The following MAP7 variants were observed in gnomAD, a reference collection of about 807,000 sequenced individuals.
The protein encoded by MAP7 is microtubule associated protein 7.
MAP7 carries 52 observed loss-of-function variants against 94.8 expected under a neutral mutation model. The ratio of observed to expected loss-of-function variants is 0.55; its 90% CI spans 0.44 to 0.69. MAP7 has a LOEUF of 0.69. Among genes scored for constraint, MAP7 ranks in the 30% least tolerant of loss-of-function variants. MAP7 has a pLI of 0.00. For synonymous variants in MAP7, 350 were observed against 357.0 expected, an observed-to-expected ratio of 0.98 and a Z score of 0.22; for missense variants, 940 against 964.6, an observed-to-expected ratio of 0.97 and a Z score of 0.34.
intron 13 of MAP7, 152 bp downstream of exon 13, chr6:136,360,545 G>A (rs1792299946): frequency 1.4e-6 from 1 of 701,672 alleles, no homozygotes; most frequent in Non-Finnish European, 2.5e-6. Flanking sequence ...AAAACACCGA[G>A]AGAGATTTCT....
chr6:136,372,106 A>G (rs2128604863), intron 8 of MAP7, among the ~76,000 whole-genome samples: 1 of 152,292 alleles, frequency 6.6e-6, no homozygotes, highest in African/African-American at 2.4e-5. Context: ...GCTTCTGGAT[A>G]TGGTTGAAAT....
intron 1 of MAP7, among the ~76,000 whole-genome samples, chr6:136,437,338 C>T (rs1796645849): frequency 6.6e-6 from 1 of 152,044 alleles, no homozygotes; most frequent in South Asian, 2.1e-4. Flanking sequence ...ACCTCCATCC[C>T]CAAGCCCTTG....
chr6:136,509,416 A>ACT (rs1554269032), intron 1 of MAP7, among the ~76,000 whole-genome samples: 11 of 151,884 alleles, frequency 7.2e-5, no homozygotes, highest in South Asian at 2.1e-4. Context: ...GAAGCTACTT[A>ACT]TTTTTTTAAG....
intron 7 of MAP7, among the ~76,000 whole-genome samples, chr6:136,376,917 A>G (rs373104493): frequency 1.8e-4 from 27 of 152,330 alleles, no homozygotes; most frequent in African/African-American, 6.5e-4. Context: ...AAGCACTTTT[A>G]AAGTGCCAAA....
At chr6:136,502,790 T>C (rs1478058217) in intron 1 of MAP7, among the ~76,000 whole-genome samples, 1 of 152,234 alleles carries the variant, frequency 6.6e-6, no homozygotes, top group Admixed American at 6.5e-5. Context: ...GACTGCACTC[T>C]TATAATTGAT....
At chr6:136,375,754 G>C in intron 7 of MAP7, among the ~76,000 whole-genome samples, 1 of 152,158 alleles carries the variant, frequency 6.6e-6, no homozygotes, top group Non-Finnish European at 1.5e-5. Context: ...TAAAGGCTAT[G>C]CACTCTTTCA....
intron 5 of MAP7, among the ~76,000 whole-genome samples, chr6:136,387,072 A>C (rs1779358215): frequency 6.6e-6 from 1 of 152,236 alleles, no homozygotes; most frequent in East Asian, 1.9e-4. Flanking sequence ...TTGGCCTCCC[A>C]AAGCACTAGG....
chr6:136,495,487 A>AAC (rs1817934036), intron 1 of MAP7, among the ~76,000 whole-genome samples: 1 of 150,480 alleles, frequency 6.6e-6, no homozygotes, highest in Admixed American at 6.7e-5. Context: ...CACACACATA[A>AAC]ACACACACAC....
chr6:136,536,619 A>ACTAG (rs2129058177), intron 1 of MAP7, among the ~76,000 whole-genome samples: 1 of 152,354 alleles, frequency 6.6e-6, no homozygotes, highest in African/African-American at 2.4e-5. Context: ...TGGAAATAGT[A>ACTAG]CTAGCTGGCT....
At chr6:136,519,785 C>T (rs1184165378) in intron 1 of MAP7, among the ~76,000 whole-genome samples, 2 of 152,168 alleles carry the variant, frequency 1.3e-5, no homozygotes, top group African/African-American at 4.8e-5. Context: ...CTATGATTAG[C>T]TAACAAAAGG....
intron 15 of MAP7, among the ~76,000 whole-genome samples, chr6:136,357,631 AC>A (rs769587988): frequency 1.3e-5 from 2 of 152,118 alleles, no homozygotes; most frequent in Non-Finnish European, 2.9e-5. Flanking sequence ...AGTAGCTGGA[AC>A]CACAAGTACA....
At chr6:136,524,227 G>T (rs1357956829) in intron 1 of MAP7, among the ~76,000 whole-genome samples, 4 of 152,054 alleles carry the variant, frequency 2.6e-5, no homozygotes, top group Admixed American at 6.6e-5. Flanking sequence ...CTGGGCAACA[G>T]AGCAAGACTC....
intron 2 of MAP7, among the ~76,000 whole-genome samples, chr6:136,413,867 G>T (rs961941886): frequency 6.6e-6 from 1 of 152,034 alleles, no homozygotes; most frequent in Admixed American, 6.5e-5. Flanking sequence ...TACATTTAAA[G>T]AAAATAAAAA....
At chr6:136,346,517 G>A (rs1371485197) in intron 16 of MAP7, among the ~76,000 whole-genome samples, 4 of 152,172 alleles carry the variant, frequency 2.6e-5, no homozygotes, top group East Asian at 1.9e-4. Flanking sequence ...AGCTATGATG[G>A]CACCACTGCA....
At chr6:136,473,227 T>C (rs1216407472) in intron 1 of MAP7, among the ~76,000 whole-genome samples, 1 of 152,180 alleles carries the variant, frequency 6.6e-6, no homozygotes. Flanking sequence ...CAAAAACACA[T>C]TGATTAACCT....
chr6:136,383,605 T>C, intron 6 of MAP7, 66 bp downstream of exon 6: 1 of 882,162 alleles, frequency 1.1e-6, no homozygotes, highest in Non-Finnish European at 1.7e-6. Context: ...TTTTTATCTG[T>C]AAACATCCAG....
chr6:136,384,770 C>A (rs1778748406), intron 5 of MAP7, among the ~76,000 whole-genome samples: 1 of 152,176 alleles, frequency 6.6e-6, no homozygotes, highest in Non-Finnish European at 1.5e-5. Context: ...CAGGCATGAG[C>A]CACTGTGCCT....
chr6:136,514,916 A>G (rs1226467999), intron 1 of MAP7, among the ~76,000 whole-genome samples: 2 of 152,168 alleles, frequency 1.3e-5, no homozygotes, highest in Non-Finnish European at 2.9e-5. Flanking sequence ...ATCCCCTAAC[A>G]AGAGATTCAG....
chr6:136,529,029 T>C (rs1828255022), intron 1 of MAP7, among the ~76,000 whole-genome samples: 1 of 152,202 alleles, frequency 6.6e-6, no homozygotes, highest in Non-Finnish European at 1.5e-5. Context: ...AATTCCCTTT[T>C]ACATTTTGAT....
Sources: gnomAD v4.1 joint callset for allele counts (sites outside exome capture counted in the v4.1 genomes callset) on GRCh38, gnomAD v4.1.1 for gene constraint, MANE v1.5 for transcripts, NCBI Gene and HGNC (gene_info 2026-07-23, HGNC 2026-07-21) for gene names.